WBP1L: variants seen among roughly 807,000 people sequenced by gnomAD.
The protein encoded by WBP1L is WW domain binding protein 1-like.
Under a neutral mutation model 33.7 loss-of-function variants are expected in WBP1L, and 17 were observed. The observed-to-expected ratio is 0.50, with a 90% confidence interval of 0.34 to 0.76. WBP1L has a LOEUF of 0.76. Among genes scored for constraint, WBP1L ranks in the 30% least tolerant of loss-of-function variants. The pLI, the probability that WBP1L is intolerant of heterozygous loss-of-function variation, is 0.01. For synonymous variants in WBP1L, 173 were observed against 190.8 expected (o/e 0.91, Z 0.77); for missense variants, 389 against 469.4 (o/e 0.83, Z 1.58).
intron 1 of WBP1L, chr10:102,776,036 G>T (rs750485672): frequency 1.3e-4 from 125 of 950,906 alleles, no homozygotes; most frequent in Non-Finnish European, 1.5e-4. Flanking sequence ...GCTGGGCATC[G>T]CGGGTCTGCA....
intron 1 of WBP1L, among the ~76,000 whole-genome samples, chr10:102,786,216 A>G (rs1372442198): frequency 6.6e-6 from 1 of 152,152 alleles, no homozygotes; most frequent in African/African-American, 2.4e-5. Flanking sequence ...ATTTATGTGT[A>G]TGATCTATTA....
chr10:102,804,387 C>CA (rs10710280), intron 2 of WBP1L, among the ~76,000 whole-genome samples: 1,059 of 74,490 alleles, frequency 0.014, 24 homozygotes, highest in African/African-American at 0.051. Context: ...GACCCTGTCT[C>CA]AAAAAAAAAA....
At position 102,792,924 on chromosome 10, in the gene WBP1L, C is replaced by G. The variant is rs1343282634; in HGVS notation, c.91-5069C>G. Among the ~76,000 whole-genome samples, 4 of 152,160 alleles carry G rather than the reference C, an allele frequency of 2.6e-5. No homozygotes were observed. The East Asian group carries it at 7.7e-4, about 29-fold the overall frequency. On this transcript the variant is annotated intron_variant, in intron 1 of 3. Transcript: ENST00000448841. ...CTGACTTTTTAACCGTACTGTCAATCTCAGTTCAAGCTTACCTTCCTCCCA... is the reference window on the plus strand; with the variant it reads ...CTGACTTTTTAACCGTACTGTCAATGTCAGTTCAAGCTTACCTTCCTCCCA...
At chr10:102,788,674 G>T in intron 1 of WBP1L, among the ~76,000 whole-genome samples, 1 of 152,090 alleles carries the variant, frequency 6.6e-6, no homozygotes, top group East Asian at 1.9e-4. Flanking sequence ...AAATCATTTA[G>T]AACTTTTTCC....
At chr10:102,752,750 T>C (rs1020821056) in intron 1 of WBP1L, among the ~76,000 whole-genome samples, 1 of 152,272 alleles carries the variant, frequency 6.6e-6, no homozygotes, top group Non-Finnish European at 1.5e-5. Context: ...GCCTCAGGAA[T>C]GTTGGTTTGC....
chr10:102,774,761 G>A (rs1830625937), intron 1 of WBP1L, among the ~76,000 whole-genome samples: 2 of 152,136 alleles, frequency 1.3e-5, no homozygotes, highest in Admixed American at 1.3e-4. Flanking sequence ...GAAAATTGTT[G>A]CAGAAAATGA....
intron 1 of WBP1L, among the ~76,000 whole-genome samples, chr10:102,777,122 C>T (rs1001077742): frequency 6.6e-6 from 1 of 152,196 alleles, no homozygotes; most frequent in African/African-American, 2.4e-5. Flanking sequence ...CAACTGCTGT[C>T]TGCTGAGAAC....
chr10:102,753,906 T>C (rs1027546602), intron 1 of WBP1L, among the ~76,000 whole-genome samples: 1 of 152,240 alleles, frequency 6.6e-6, no homozygotes, highest in Non-Finnish European at 1.5e-5. Flanking sequence ...GTAACACTTT[T>C]ATTACACATT....
intron 1 of WBP1L, among the ~76,000 whole-genome samples, chr10:102,794,105 A>T (rs1843539758): frequency 6.6e-6 from 1 of 151,952 alleles, no homozygotes; most frequent in African/African-American, 2.4e-5. Context: ...CTTTGTGTAG[A>T]TCTTAAGCCA....
At chr10:102,778,679 T>C (rs1308650208) in intron 1 of WBP1L, among the ~76,000 whole-genome samples, 1 of 152,200 alleles carries the variant, frequency 6.6e-6, no homozygotes. Context: ...ACATATTTTG[T>C]ATATTTCTAG....
intron 1 of WBP1L, among the ~76,000 whole-genome samples, chr10:102,797,360 G>A (rs562391871): frequency 8.8e-4 from 134 of 152,272 alleles, no homozygotes; most frequent in African/African-American, 3.1e-3. Flanking sequence ...GCTGAGGTTA[G>A]CACCGGAACA....
chr10:102,807,438 C>A (rs975904777), intron 2 of WBP1L, among the ~76,000 whole-genome samples: 1 of 151,970 alleles, frequency 6.6e-6, no homozygotes, highest in South Asian at 2.1e-4. Flanking sequence ...AGTGCAGTGG[C>A]GTGATCTCAG....
chr10:102,786,583 G>T (rs1243882586), intron 1 of WBP1L, among the ~76,000 whole-genome samples: 2 of 152,148 alleles, frequency 1.3e-5, no homozygotes, highest in Admixed American at 6.5e-5. Flanking sequence ...TGCATTTGTT[G>T]TCTAAGCATG....
intron 1 of WBP1L, chr10:102,746,198 T>C (rs1590162426): frequency 1.0e-6 from 1 of 982,990 alleles, no homozygotes; most frequent in Non-Finnish European, 1.2e-6. Context: ...TGGAAGGGGA[T>C]TGTTAATGTT....
Position 102,804,366 on chromosome 10 carries a change from T to C in WBP1L, c.194-5527T>C, listed in dbSNP as rs1159652953. On this transcript the variant is annotated intron_variant, in intron 2 of 3. Transcript: ENST00000448841. The stretch of plus-strand genomic sequence containing the variant: ...TCACACCACTCCACTCCAGCCTGGG[T>C]GACAGAGCAAGACCCTGTCTCAAAA... Among the ~76,000 whole-genome samples, 457 of 129,398 alleles carry C rather than the reference T, an allele frequency of 3.5e-3. 3 individuals carry two copies. Among genetic ancestry groups the C allele is most frequent in the African/African-American group, 0.013 (435 of 33,488 alleles). The allele number at this position is 129,398 out of a possible 152,430, so 84.9% of individuals were successfully genotyped here. A position where few individuals can be genotyped will look rare whatever the true frequency, so the allele number is the denominator to read the frequency against.
intron 1 of WBP1L, among the ~76,000 whole-genome samples, chr10:102,756,240 T>C (rs1472901247): frequency 2.0e-5 from 3 of 151,970 alleles, no homozygotes; most frequent in Non-Finnish European, 4.4e-5. Context: ...TGAAACCTCG[T>C]CTCTACTAAA....
At chr10:102,760,675 G>A (rs1472017589) in intron 1 of WBP1L, among the ~76,000 whole-genome samples, 2 of 151,710 alleles carry the variant, frequency 1.3e-5, no homozygotes, top group African/African-American at 2.4e-5. Flanking sequence ...GTGCCTGGCC[G>A]AGTCTTCCTT....
At chr10:102,790,803 G>A (rs546406630) in intron 1 of WBP1L, among the ~76,000 whole-genome samples, 53 of 152,182 alleles carry the variant, frequency 3.5e-4, no homozygotes, top group African/African-American at 1.1e-3. Flanking sequence ...GAGCCACCGC[G>A]CCTGGCCAAC....
chr10:102,753,919 T>C (rs1842946967), intron 1 of WBP1L, among the ~76,000 whole-genome samples: 1 of 152,238 alleles, frequency 6.6e-6, no homozygotes, highest in Non-Finnish European at 1.5e-5. Context: ...TACACATTCT[T>C]TCAGATCAGA....
Sources: allele counts gnomAD v4.1 joint callset (sites outside exome capture counted in the v4.1 genomes callset), GRCh38; gene constraint gnomAD v4.1.1; transcripts MANE v1.5; gene names NCBI Gene and HGNC (gene_info 2026-07-23, HGNC 2026-07-21).